The following STARD9 variants were observed in gnomAD, a reference collection of about 807,000 sequenced individuals.
STARD9 encodes the protein StAR related lipid transfer domain containing 9, also known as stAR-related lipid transfer protein 9.
In STARD9, 346 loss-of-function variants were observed where a neutral mutation model predicts 399.8. That is an observed-to-expected ratio of 0.87 (90% CI 0.79 to 0.95). The LOEUF is 0.95. STARD9 is among the 40% of genes least tolerant of loss of function. STARD9 has a pLI of 0.00. For synonymous variants in STARD9, 2,203 were observed against 2,143.5 expected (o/e 1.03, Z -0.77); for missense variants, 5,832 against 5,667.5 (o/e 1.03, Z -0.93).
chr15:42,641,661 A>G (rs940299450), intron 7 of STARD9, among the ~76,000 whole-genome samples: 11 of 151,400 alleles, frequency 7.3e-5, no homozygotes, highest in African/African-American at 2.7e-4. Context: ...CTGGAGTGCA[A>G]TGGCGCGATC....
chr15:42,697,828 C>T (rs2060876882), intron 26 of STARD9, among the ~76,000 whole-genome samples: 1 of 152,104 alleles, frequency 6.6e-6, no homozygotes, highest in South Asian at 2.1e-4. Context: ...CAATCCAAAA[C>T]ACTTCTGGTC....
In STARD9 at chr15:42,685,072, G is replaced by A. The variant is rs528353907; in HGVS notation, c.3494G>A (p.Gly1165Asp). 177 of 1,537,056 alleles carry A rather than the reference G, an allele frequency of 1.2e-4. No homozygotes were observed. In the African/African-American group the frequency reaches 2.1e-3, roughly 18 times the overall value. ...RYQSPKNRLG[G>D]NRPTNNRGQP... is the part of the protein sequence containing the mutation. ...CAAAGCCCCAAAAACAGGCTAGGGG[G>A]CAATCGTCCCACCAACAACCGTGGC... Residue 1165 changes from glycine (G) to aspartate (D), a missense_variant, in exon 23 of 33, where the codon GGC (glycine) becomes GAC (aspartate). Around this residue, in one of 2 missense-constraint regions of STARD9, gnomAD observed 5,828 missense variants for 5,651.1 expected, o/e 1.03. Coordinates refer to ENST00000290607, the MANE Select transcript of STARD9 (RefSeq NM_020759.3).
chr15:42,690,342 A>G lies in STARD9; in HGVS notation c.8764A>G (p.Arg2922Gly). ...IGEEAPCRHP[R>G]EALDGPVFSR... Reference sequence around the variant, plus strand: ...GGAGGAAGCCCCATGTAGACACCCAAGGGAAGCTTTAGATGGCCCTGTCTT... The same window carrying G: ...GGAGGAAGCCCCATGTAGACACCCAGGGGAAGCTTTAGATGGCCCTGTCTT... The change falls in exon 23 of 33, where the codon AGG (arginine) becomes GGG (glycine). Residue 2922 changes from arginine to glycine, a missense_variant. Around this residue, in one of 2 missense-constraint regions of STARD9, gnomAD observed 5,828 missense variants for 5,651.1 expected, o/e 1.03. Transcript: ENST00000290607. 6.5e-7 allele frequency: 1 copy of G among 1,537,260 alleles called. No individual in the cohort carries two copies. The highest frequency in any genetic ancestry group is 8.7e-7 in the Non-Finnish European group (1 of 1,146,920).
chr15:42,622,692 A>G (rs1220036006), intron 3 of STARD9, among the ~76,000 whole-genome samples: 2 of 152,146 alleles, frequency 1.3e-5, no homozygotes. Context: ...GAACTTTCCA[A>G]GGTTGACAGT....
chr15:42,587,728 G>A (rs1274001979), intron 3 of STARD9, among the ~76,000 whole-genome samples: 1 of 152,088 alleles, frequency 6.6e-6, no homozygotes, highest in Non-Finnish European at 1.5e-5. Flanking sequence ...ACCACGCCTG[G>A]CTAATTTTGT....
intron 3 of STARD9, among the ~76,000 whole-genome samples, chr15:42,624,120 A>T (rs893969573): frequency 1.3e-5 from 2 of 152,240 alleles, no homozygotes; most frequent in Non-Finnish European, 2.9e-5. Flanking sequence ...AAGCTGGCAC[A>T]GATGACACTT....
Position 42,675,734 on chromosome 15 carries a change from G to T in STARD9, c.1758G>T (p.Arg586=). Residue 586 remains arginine (R), a synonymous_variant, in exon 19 of 33, where the codon CGG becomes CGT. Coordinates refer to ENST00000290607, the MANE Select transcript of STARD9 (RefSeq NM_020759.3). ...FNHPAEAAVL[R]QRRQVGEAAA... Reference sequence around the variant, plus strand: ...ACCCAGCAGAGGCTGCTGTCCTGCGGCAGCGAAGGCAGGTTAGCAGGGCTG... The same window carrying T: ...ACCCAGCAGAGGCTGCTGTCCTGCGTCAGCGAAGGCAGGTTAGCAGGGCTG... The T allele has an allele frequency of 6.5e-7, 1 of 1,537,130 alleles. No homozygotes were observed. The highest frequency in any genetic ancestry group is 8.7e-7 in the Non-Finnish European group (1 of 1,146,794).
At chr15:42,609,152 T>C (rs1052156981) in intron 3 of STARD9, among the ~76,000 whole-genome samples, 3 of 152,132 alleles carry the variant, frequency 2.0e-5, no homozygotes, top group Non-Finnish European at 4.4e-5. Flanking sequence ...GGAAGGGGAA[T>C]ATATTGGAAG....
intron 26 of STARD9, among the ~76,000 whole-genome samples, chr15:42,701,868 C>T (rs2060971096): frequency 1.3e-5 from 2 of 151,640 alleles, no homozygotes; most frequent in Admixed American, 1.3e-4. Context: ...GCAGCATGCA[C>T]CTGTAATCCT....
At chr15:42,615,093 C>T (rs1284383096) in intron 3 of STARD9, among the ~76,000 whole-genome samples, 2 of 150,742 alleles carry the variant, frequency 1.3e-5, no homozygotes, top group Non-Finnish European at 2.9e-5. Context: ...ACTGCCATCT[C>T]TGTCTCCTGG....
At chr15:42,650,536 C>A (rs573123128) in intron 7 of STARD9, among the ~76,000 whole-genome samples, 1 of 152,320 alleles carries the variant, frequency 6.6e-6, no homozygotes, top group Admixed American at 6.5e-5. Context: ...CTTTCCAACT[C>A]CTGTGGCACT....
At position 42,690,805 on chromosome 15, in the gene STARD9, A is replaced by G. The variant is rs1023507213; in HGVS notation, c.9227A>G (p.Asp3076Gly). Residue 3076 changes from aspartate (D) to glycine (G), a missense_variant, in exon 23 of 33, where the codon GAT (aspartate) becomes GGT (glycine). This residue lies in a region of STARD9 where 5,828 missense variants were observed against 5,651.1 expected (regional missense o/e 1.03). Coordinates refer to ENST00000290607, the MANE Select transcript of STARD9 (RefSeq NM_020759.3). Reference protein sequence around the residue: ...RTGSFSHSATDGSVGLIGVPE... With the variant: ...RTGSFSHSATGGSVGLIGVPE... ...GGTTCCTTCAGCCACTCAGCTACTG[A>G]TGGAAGCGTGGGGTTAATAGGGGTT... 8 of 1,537,096 alleles carry G rather than the reference A, an allele frequency of 5.2e-6. No homozygotes were observed. In the Admixed American group the frequency reaches 1.2e-4, roughly 23 times the overall value.
In STARD9 at chr15:42,663,352, A is replaced by T; in HGVS notation, c.940A>T (p.Ile314Phe). 6.5e-7 allele frequency: 1 copy of T among 1,537,280 alleles called. No homozygotes were observed. Among genetic ancestry groups the T allele is most frequent in the Non-Finnish European group, 8.7e-7 (1 of 1,146,916 alleles). Residue 314 changes from isoleucine to phenylalanine, a missense_variant, in exon 12 of 33, where the codon ATC (isoleucine) becomes TTC (phenylalanine). By Grantham distance (21) the Ile-to-Phe change is conservative. Around this residue, in one of 2 missense-constraint regions of STARD9, gnomAD observed 5,828 missense variants for 5,651.1 expected, o/e 1.03. Transcript: ENST00000290607. ...AGTCAGCAATGGTGGTGACAGTGGG[A>T]TCCTTAGCTCTCCTTCTGGGACCAG... Reference protein sequence around the residue: ...SSVSNGGDSGILSSPSGTSSG... With the variant: ...SSVSNGGDSGFLSSPSGTSSG...
At chr15:42,653,841 C>T (rs915653073) in intron 9 of STARD9, among the ~76,000 whole-genome samples, 4 of 152,066 alleles carry the variant, frequency 2.6e-5, no homozygotes, top group African/African-American at 9.7e-5. Flanking sequence ...CTCGTTTCTT[C>T]TCCTAATGTC....
intron 3 of STARD9, among the ~76,000 whole-genome samples, chr15:42,602,276 A>T (rs1409589498): frequency 1.3e-5 from 2 of 152,316 alleles, no homozygotes; most frequent in South Asian, 4.1e-4. Context: ...AAAGCCAGAA[A>T]TTGATAATTT....
Position 42,693,822 on chromosome 15 carries a change from C to A in STARD9, c.12244C>A (p.Leu4082Ile), listed in dbSNP as rs1217464802. Residue 4082 changes from leucine (L) to isoleucine (I), a missense_variant, in exon 23 of 33, where the codon CTC becomes ATC. Physicochemically the swap from Leu to Ile is conservative, Grantham distance 5 (BLOSUM62 2). Coordinates refer to ENST00000290607, the MANE Select transcript of STARD9 (RefSeq NM_020759.3). ...TLDRPSSWGG[L>I]QHLSPCPVSE... is the part of the protein sequence containing the mutation. Reference sequence around the variant, plus strand: ...GGACCGACCTTCTTCATGGGGAGGCCTCCAGCACCTCAGCCCCTGCCCTGT... The same window carrying A: ...GGACCGACCTTCTTCATGGGGAGGCATCCAGCACCTCAGCCCCTGCCCTGT... 3.3e-6 allele frequency: 5 copies of A among 1,536,592 alleles called. No individual in the cohort carries two copies. The East Asian group carries it at 9.8e-5, about 30-fold the overall frequency.
intron 9 of STARD9, among the ~76,000 whole-genome samples, chr15:42,655,482 G>A (rs1292764452): frequency 6.6e-6 from 1 of 152,182 alleles, no homozygotes; most frequent in Non-Finnish European, 1.5e-5. Flanking sequence ...AACGTAAAGT[G>A]GGGAAAGGAC....
intron 1 of STARD9, among the ~76,000 whole-genome samples, chr15:42,580,237 CTG>C (rs1193320351): frequency 2.0e-5 from 3 of 152,366 alleles, no homozygotes; most frequent in East Asian, 3.9e-4. Flanking sequence ...GTTGCACAAA[CTG>C]TGCTCTGTCC....
intron 3 of STARD9, among the ~76,000 whole-genome samples, chr15:42,593,628 A>T (rs1278523875): frequency 1.6e-5 from 2 of 121,388 alleles, no homozygotes; most frequent in Non-Finnish European, 1.7e-5. Flanking sequence ...AATTGAAAGT[A>T]TTTTAGTAGT....
Sources: allele counts gnomAD v4.1 joint callset (sites outside exome capture counted in the v4.1 genomes callset), GRCh38; gene constraint gnomAD v4.1.1; regional missense constraint gnomAD v4.1.1; transcripts MANE v1.5; gene names NCBI Gene and HGNC (gene_info 2026-07-23, HGNC 2026-07-21).